ZRANB3: variants seen among roughly 807,000 people sequenced by gnomAD.
ZRANB3 encodes zinc finger RANBP2-type containing 3.
A neutral mutation model predicts 133.8 loss-of-function variants in ZRANB3; 125 were observed. The observed-to-expected ratio is 0.93, with a 90% CI of 0.81 to 1.08. ZRANB3 has a LOEUF of 1.08. Ranked by LOEUF, ZRANB3 falls within the 50% of genes least tolerant of loss-of-function variation. The pLI is 0.00. For missense variants in ZRANB3, 1,229 were observed against 1,275.5 expected, an observed-to-expected ratio of 0.96 and a Z score of 0.56; for synonymous variants, 387 against 432.7, an observed-to-expected ratio of 0.89 and a Z score of 1.31.
chr2:135,448,759 ACTTTG>A, intron 2 of ZRANB3, among the ~76,000 whole-genome samples: 1 of 152,368 alleles, frequency 6.6e-6, no homozygotes, highest in East Asian at 1.9e-4. Flanking sequence ...TCACAAAAAA[ACTTTG>A]TAAAGAAGGG....
At chr2:135,236,725 T>C (rs907657830) in intron 12 of ZRANB3, among the ~76,000 whole-genome samples, 19 of 152,298 alleles carry the variant, frequency 1.2e-4, no homozygotes, top group Admixed American at 7.2e-4. Flanking sequence ...CTGGGAAAAC[T>C]GGCTAGCCAT....
intron 1 of ZRANB3, among the ~76,000 whole-genome samples, chr2:135,505,178 G>A (rs1008186063): frequency 6.6e-6 from 1 of 152,086 alleles, no homozygotes; most frequent in Non-Finnish European, 1.5e-5. Context: ...AACTCTGGAA[G>A]AAAATGTCCT....
chr2:135,434,232 T>C (rs1049394900), intron 2 of ZRANB3, among the ~76,000 whole-genome samples: 1 of 152,158 alleles, frequency 6.6e-6, no homozygotes, highest in Non-Finnish European at 1.5e-5. Context: ...GGGTTGTCCC[T>C]GAGGAAATAC....
intron 17 of ZRANB3, among the ~76,000 whole-genome samples, chr2:135,212,135 C>A (rs944379295): frequency 1.2e-4 from 18 of 152,190 alleles, no homozygotes; most frequent in African/African-American, 4.3e-4. Flanking sequence ...TGTTTGCACT[C>A]TACTTGCATG....
chr2:135,515,190 G>A (rs973231779), intron 1 of ZRANB3, among the ~76,000 whole-genome samples: 11 of 152,044 alleles, frequency 7.2e-5, no homozygotes, highest in African/African-American at 2.4e-4. Context: ...TCTACTGTTT[G>A]GAATAATTTC....
chr2:135,529,542 C>T (rs1404827908), intron 1 of ZRANB3, among the ~76,000 whole-genome samples: 1 of 152,096 alleles, frequency 6.6e-6, no homozygotes, highest in Non-Finnish European at 1.5e-5. Context: ...CGCTCTGTCA[C>T]CCGAGGCTGG....
chr2:135,228,069 G>T, intron 13 of ZRANB3, 54 bp from the exon 14 acceptor site: 1 of 1,383,030 alleles, frequency 7.2e-7, no homozygotes, highest in Non-Finnish European at 9.8e-7. Context: ...TAAAAGTAAA[G>T]TAAAAAGAAT....
chr2:135,398,536 T>TTTTTTTTTA (rs1687599703), intron 2 of ZRANB3, among the ~76,000 whole-genome samples: 3 of 149,566 alleles, frequency 2.0e-5, no homozygotes, highest in African/African-American at 2.5e-5. Context: ...TTTTTTTTTT[T>TTTTTTTTTA]GAGATGGAGT....
At chr2:135,281,697 GATACA>G (rs1681108766) in intron 8 of ZRANB3, among the ~76,000 whole-genome samples, 1 of 152,124 alleles carries the variant, frequency 6.6e-6, no homozygotes, top group African/African-American at 2.4e-5. Context: ...GCTTCACTGG[GATACA>G]ATTCACATAC....
At chr2:135,333,592 T>C (rs1314823765) in intron 6 of ZRANB3, among the ~76,000 whole-genome samples, 1 of 152,200 alleles carries the variant, frequency 6.6e-6, no homozygotes, top group East Asian at 1.9e-4. Context: ...AATCTAATGA[T>C]GTTTGTTTCA....
intron 2 of ZRANB3, among the ~76,000 whole-genome samples, chr2:135,422,670 C>A (rs1303357278): frequency 3.3e-5 from 5 of 151,992 alleles, no homozygotes; most frequent in Non-Finnish European, 7.4e-5. Flanking sequence ...GATGAACCCC[C>A]AAAGAGCCCA....
intron 2 of ZRANB3, among the ~76,000 whole-genome samples, chr2:135,416,105 C>A (rs918783186): frequency 6.6e-6 from 1 of 151,874 alleles, no homozygotes; most frequent in Non-Finnish European, 1.5e-5. Context: ...AAGTTCTGGC[C>A]AGGGCAATGA....
chr2:135,463,162 T>TA (rs1458308094), intron 2 of ZRANB3, among the ~76,000 whole-genome samples: 1 of 151,942 alleles, frequency 6.6e-6, no homozygotes, highest in African/African-American at 2.4e-5. Context: ...ACTCTGACTC[T>TA]AAAAAAAATT....
At chr2:135,326,547 T>C (rs1683836153) in intron 6 of ZRANB3, among the ~76,000 whole-genome samples, 3 of 152,126 alleles carry the variant, frequency 2.0e-5, no homozygotes, top group African/African-American at 7.2e-5. Flanking sequence ...ACGTGTGCCA[T>C]GGTGGTTTGC....
intron 6 of ZRANB3, among the ~76,000 whole-genome samples, chr2:135,335,563 C>T (rs1167476071): frequency 6.6e-6 from 1 of 152,008 alleles, no homozygotes; most frequent in African/African-American, 2.4e-5. Context: ...TGTGGTGACA[C>T]ATGCCTGCAG....
At chr2:135,466,382 CAAAAAAAAAAAAA>C (rs553890734) in intron 2 of ZRANB3, among the ~76,000 whole-genome samples, 3 of 28,214 alleles carry the variant, frequency 1.1e-4, no homozygotes, top group Non-Finnish European at 2.7e-4. Context: ...GACTCCGTCA[CAAAAAAAAAAAAA>C]AAAAAAAAAA....
intron 2 of ZRANB3, among the ~76,000 whole-genome samples, chr2:135,439,711 C>A (rs953948599): frequency 1.1e-4 from 16 of 152,282 alleles, no homozygotes; most frequent in African/African-American, 3.8e-4. Flanking sequence ...AAACTGAAAA[C>A]AACAAACAGA....
At chr2:135,495,389 G>C (rs2104811722) in intron 2 of ZRANB3, among the ~76,000 whole-genome samples, 1 of 152,228 alleles carries the variant, frequency 6.6e-6, no homozygotes, top group Admixed American at 6.5e-5. Flanking sequence ...TATTAGGAAA[G>C]TAAAGGAGTA....
At chr2:135,390,219 C>G (rs535994649) in intron 3 of ZRANB3, among the ~76,000 whole-genome samples, 9 of 152,084 alleles carry the variant, frequency 5.9e-5, no homozygotes, top group Non-Finnish European at 8.8e-5. Flanking sequence ...AAAACAGCAA[C>G]ACATTTCTCA....
Sources: allele counts gnomAD v4.1 joint callset (sites outside exome capture counted in the v4.1 genomes callset), GRCh38; gene constraint gnomAD v4.1.1; transcripts MANE v1.5; gene names NCBI Gene and HGNC (gene_info 2026-07-23, HGNC 2026-07-21).